STOX2: variants seen among roughly 807,000 people sequenced by gnomAD.
The protein encoded by STOX2 is storkhead-box protein 2.
A neutral mutation model predicts 60.9 loss-of-function variants in STOX2; 28 were observed. The observed-to-expected ratio is 0.46, with a 90% confidence interval of 0.34 to 0.63. STOX2 has a LOEUF of 0.63. Ranked by LOEUF, STOX2 falls within the 30% of genes least tolerant of loss-of-function variation. STOX2 has a pLI of 0.01. For synonymous variants in STOX2, 472 were observed against 463.9 expected, an observed-to-expected ratio of 1.02 and a Z score of -0.22; for missense variants, 1,024 against 1,187.7, an observed-to-expected ratio of 0.86 and a Z score of 2.03.
chr4:184,012,156 G>C lies in STOX2; in HGVS notation c.2585+733G>C, dbSNP rs531811309. ...TTCAGCAAAGGGTTGACAGTCAAGAGTTAGTGGTGCCCAGTGGTCATGGCC... is the reference window on the plus strand; with the variant it reads ...TTCAGCAAAGGGTTGACAGTCAAGACTTAGTGGTGCCCAGTGGTCATGGCC... On this transcript the variant is annotated intron_variant, in intron 3 of 3. Transcript: ENST00000308497. 2.0e-5 allele frequency among the ~76,000 whole-genome samples: 3 copies of C among 152,370 alleles called. No homozygotes were observed. The South Asian group carries it at 6.2e-4, about 32-fold the overall frequency.
chr4:183,814,062 A>G (rs1403007284), intron 1 of STOX2, among the ~76,000 whole-genome samples: 3 of 152,238 alleles, frequency 2.0e-5, no homozygotes, highest in Non-Finnish European at 4.4e-5. Context: ...TGCATCTTAC[A>G]TTTTGTAGAG....
chr4:183,798,052 C>T (rs1485658286), exon 1 of STOX2: 1 of 1,228,768 alleles, frequency 8.1e-7, no homozygotes, highest in Non-Finnish European at 1.0e-6. Flanking sequence ...CATCCGCTGC[C>T]TGGGTGAGTG....
chr4:183,883,772 G>T (rs1006206097), intron 1 of STOX2, among the ~76,000 whole-genome samples: 1 of 152,106 alleles, frequency 6.6e-6, no homozygotes, highest in Non-Finnish European at 1.5e-5. Flanking sequence ...AATGTGACAC[G>T]ACTTTACAAT....
intron 1 of STOX2, among the ~76,000 whole-genome samples, chr4:183,983,738 A>C (rs1408525827): frequency 1.3e-5 from 2 of 152,184 alleles, no homozygotes; most frequent in African/African-American, 4.8e-5. Context: ...TTGCAAATAT[A>C]AAGTGGGCCA....
In STOX2 at chr4:184,001,500, C is replaced by G; in HGVS notation, c.319+23C>G. The G allele has an allele frequency of 6.2e-7, 1 of 1,612,282 alleles. No individual in the cohort carries two copies. Among genetic ancestry groups the G allele is most frequent in the Non-Finnish European group, 8.5e-7 (1 of 1,179,272 alleles). ...CAGGTAACGAGGCGGGAACGTAGCA[C>G]TTTCCAGGTGGCGGTGTGCTGTGGT... On this transcript the variant is annotated intron_variant, in intron 2 of 3. Coordinates refer to ENST00000308497, the MANE Select transcript of STOX2 (RefSeq NM_020225.3). This position sits in a 1 kb window ranked among gnomAD's most constrained non-coding sequence, Gnocchi z 4.2.
intron 1 of STOX2, among the ~76,000 whole-genome samples, chr4:183,946,345 A>T (rs1037277187): frequency 4.6e-5 from 7 of 152,176 alleles, no homozygotes. Context: ...TATGTCTGTG[A>T]CAAGAGCTAA....
intron 1 of STOX2, among the ~76,000 whole-genome samples, chr4:183,849,782 T>C (rs1323001377): frequency 6.6e-6 from 1 of 152,116 alleles, no homozygotes; most frequent in Non-Finnish European, 1.5e-5. Context: ...CACATCGTTT[T>C]TGTGTATGCA....
chr4:183,960,839 T>A (rs562787398), intron 1 of STOX2, among the ~76,000 whole-genome samples: 4 of 152,216 alleles, frequency 2.6e-5, no homozygotes, highest in Non-Finnish European at 4.4e-5. Context: ...TAATATCTGA[T>A]TGCTCCAAAA....
At chr4:183,890,474 C>T (rs1220192672) in intron 1 of STOX2, among the ~76,000 whole-genome samples, 2 of 105,440 alleles carry the variant, frequency 1.9e-5, no homozygotes, top group African/African-American at 3.6e-5. Flanking sequence ...CAGAGTGAGA[C>T]TCCGTCTCAA....
chr4:183,975,212 A>C (rs1344888326), intron 1 of STOX2, among the ~76,000 whole-genome samples: 7 of 152,092 alleles, frequency 4.6e-5, no homozygotes, highest in African/African-American at 1.7e-4. Flanking sequence ...AATATGGAGG[A>C]TTAAACCCTC....
chr4:183,976,797 G>T (rs955417513), intron 1 of STOX2, among the ~76,000 whole-genome samples: 3 of 152,196 alleles, frequency 2.0e-5, no homozygotes, highest in African/African-American at 7.2e-5. Context: ...AACAGGGCAA[G>T]GATGTTCACG....
intron 1 of STOX2, among the ~76,000 whole-genome samples, chr4:183,986,144 A>C (rs1274003086): frequency 6.6e-6 from 1 of 152,194 alleles, no homozygotes; most frequent in Non-Finnish European, 1.5e-5. Flanking sequence ...GAAAAAAAAA[A>C]CAAATACTTG....
intron 1 of STOX2, among the ~76,000 whole-genome samples, chr4:183,879,331 A>C (rs1436956118): frequency 6.6e-6 from 1 of 152,180 alleles, no homozygotes; most frequent in African/African-American, 2.4e-5. Flanking sequence ...TCAAGCATGG[A>C]CATATTTGTG....
intron 1 of STOX2, among the ~76,000 whole-genome samples, chr4:183,890,077 C>T (rs768486596): frequency 2.0e-5 from 3 of 152,182 alleles, no homozygotes; most frequent in Non-Finnish European, 2.9e-5. Flanking sequence ...ATTTAAAATA[C>T]AGGTCTAGCT....
At chr4:183,845,191 G>A (rs956784382) in intron 1 of STOX2, among the ~76,000 whole-genome samples, 2 of 152,288 alleles carry the variant, frequency 1.3e-5, no homozygotes. Context: ...TGGTACAGGA[G>A]TCCAGAAGAC....
At chr4:183,803,450 T>C (rs1410527386) in intron 1 of STOX2, among the ~76,000 whole-genome samples, 1 of 152,254 alleles carries the variant, frequency 6.6e-6, no homozygotes, top group African/African-American at 2.4e-5. Flanking sequence ...AATAACTTAC[T>C]TAAGTCAACT....
At chr4:183,814,894 T>C (rs1739115493) in intron 1 of STOX2, among the ~76,000 whole-genome samples, 1 of 152,244 alleles carries the variant, frequency 6.6e-6, no homozygotes, top group Admixed American at 6.5e-5. Context: ...TCAGATTTTC[T>C]TTAGCGATAA....
intron 1 of STOX2, among the ~76,000 whole-genome samples, chr4:183,892,816 C>G (rs1046763370): frequency 1.2e-4 from 5 of 42,046 alleles, no homozygotes; most frequent in Admixed American, 1.2e-3. Context: ...ACACGAGCAA[C>G]TGTTACCTAC....
At position 183,900,269 on chromosome 4, in the gene STOX2, G is replaced by A. The variant is rs115439022; in HGVS notation, c.365-101056G>A. Among the ~76,000 whole-genome samples, 1,280 of 152,266 alleles carry A rather than the reference G, an allele frequency of 8.4e-3. 4 individuals are homozygous for A. The highest frequency in any genetic ancestry group is 0.015 in the Admixed American group (233 of 15,296). On this transcript the variant is annotated intron_variant, in intron 1 of 2. Transcript: ENST00000513034. ...CTGTTTTCATGCCTGATAACACAAC[G>A]TCCTTTTGCAGTAGCCCATGGATTA...
Sources: gnomAD v4.1 joint callset for allele counts (sites outside exome capture counted in the v4.1 genomes callset) on GRCh38, gnomAD v4.1.1 for gene constraint, Gnocchi (gnomAD v3.1) non-coding constraint, MANE v1.5 for transcripts, NCBI Gene and HGNC (gene_info 2026-07-23, HGNC 2026-07-21) for gene names.